The following NCKAP5 variants were observed in gnomAD, a reference collection of about 807,000 sequenced individuals.
NCKAP5 encodes nck-associated protein 5.
Under a neutral mutation model 167.0 loss-of-function variants are expected in NCKAP5, and 92 were observed. The observed-to-expected ratio is 0.55, with a 90% CI of 0.47 to 0.66. The LOEUF (loss-of-function observed/expected upper bound fraction) is 0.66. NCKAP5 is among the 30% of genes least tolerant of loss of function. The probability of loss-of-function intolerance (pLI) is 0.00; values close to 1 mark genes in which losing one functional copy is unlikely to be tolerated. For synonymous variants in NCKAP5, 891 were observed against 877.4 expected, an observed-to-expected ratio of 1.02 and a Z score of -0.27; for missense variants, 2,378 against 2,315.0, an observed-to-expected ratio of 1.03 and a Z score of -0.56.
rs1402218025 is a variant in NCKAP5, at chr2:133,418,162, T to A, written c.69+99296A>T. Among the ~76,000 whole-genome samples, 7 of 152,322 alleles carry A rather than the reference T, an allele frequency of 4.6e-5. No individual in the cohort carries two copies. In the East Asian group the frequency reaches 1.3e-3, roughly 29 times the overall value. On this transcript the variant is annotated intron_variant, in intron 3 of 19. Transcript: ENST00000409261. Reference sequence around the variant, plus strand: ...TTTCTCAGAGGCTAGCATCAGAAGCTGCTACACAGGACTTCTTTGACCTTG... The same window carrying A: ...TTTCTCAGAGGCTAGCATCAGAAGCAGCTACACAGGACTTCTTTGACCTTG...
At chr2:133,612,920 T>A in the NCKAP5 span, among the ~76,000 whole-genome samples, 1 of 152,150 alleles carries the variant, frequency 6.6e-6, no homozygotes, top group South Asian at 2.1e-4. Context: ...CATTGGTAAG[T>A]AGCAGGCATT....
intron 4 of NCKAP5, among the ~76,000 whole-genome samples, chr2:133,226,287 C>A (rs2086887570): frequency 6.6e-6 from 1 of 152,068 alleles, no homozygotes; most frequent in South Asian, 2.1e-4. Flanking sequence ...TCAATCTATT[C>A]CACAAATATT....
At chr2:132,930,867 G>T (rs911607640) in intron 8 of NCKAP5, 2 of 152,138 alleles carry the variant, frequency 1.3e-5, no homozygotes, top group Admixed American at 1.3e-4. Context: ...TAGGGTCCCA[G>T]TACTACAGAC....
intron 8 of NCKAP5, among the ~76,000 whole-genome samples, chr2:132,928,769 G>T (rs1350359592): frequency 6.6e-6 from 1 of 152,044 alleles, no homozygotes; most frequent in Admixed American, 6.6e-5. Flanking sequence ...GGAGCAGACA[G>T]AAGCAAACTA....
chr2:133,324,759 G>A (rs1443447171), intron 3 of NCKAP5, among the ~76,000 whole-genome samples: 7 of 151,548 alleles, frequency 4.6e-5, no homozygotes, highest in East Asian at 1.9e-4. Flanking sequence ...TGGCTCTGTC[G>A]CCCAGGCTGG....
At chr2:132,881,526 C>T (rs1386394125) in intron 8 of NCKAP5, among the ~76,000 whole-genome samples, 1 of 150,618 alleles carries the variant, frequency 6.6e-6, no homozygotes, top group Non-Finnish European at 1.5e-5. Context: ...CTTCTTTTCC[C>T]CCTTATTTCC....
intron 4 of NCKAP5, among the ~76,000 whole-genome samples, chr2:133,256,701 C>A (rs1037680265): frequency 6.6e-5 from 10 of 152,174 alleles, no homozygotes; most frequent in Non-Finnish European, 1.5e-4. Flanking sequence ...CATTGGTTGT[C>A]ACTCTACAAT....
At position 132,783,462 on chromosome 2, in the gene NCKAP5, T is replaced by G. The variant is rs1558767422; in HGVS notation, c.3349A>C (p.Ser1117Arg). 1 of 1,590,846 alleles carries G rather than the reference T, an allele frequency of 6.3e-7. No homozygotes were observed. The highest frequency in any genetic ancestry group is 8.6e-7 in the Non-Finnish European group (1 of 1,168,342). Residue 1117 changes from serine to arginine, a missense_variant, in exon 14 of 20, where the codon AGT becomes CGT. Physicochemically the swap from Ser to Arg is moderately radical, Grantham distance 110. Coordinates refer to ENST00000409261, the MANE Select transcript of NCKAP5 (RefSeq NM_207363.3). ...VNESPSSQVS[S>R]SSSSSSPAKS... ...GCGGGTGATGAGGATGATGAGGAAC[T>G]GCTGACCTGAGATGATGGTGACTCA...
At chr2:132,927,238 A>T (rs1695973927) in intron 8 of NCKAP5, among the ~76,000 whole-genome samples, 1 of 152,032 alleles carries the variant, frequency 6.6e-6, no homozygotes, top group African/African-American at 2.4e-5. Flanking sequence ...GTCTATTTTT[A>T]TAGAAGTGCC....
At chr2:132,912,367 T>C (rs953923541) in intron 8 of NCKAP5, among the ~76,000 whole-genome samples, 11 of 152,328 alleles carry the variant, frequency 7.2e-5, no homozygotes, top group East Asian at 3.9e-4. Context: ...AATAAAACTT[T>C]GGACAGTCAA....
At chr2:133,168,109 T>C (rs1404223347) in intron 5 of NCKAP5, among the ~76,000 whole-genome samples, 1 of 151,966 alleles carries the variant, frequency 6.6e-6, no homozygotes, top group East Asian at 1.9e-4. Context: ...GATTAGAAAA[T>C]GCAGGCCTGA....
chr2:133,036,880 T>A (rs534182724), intron 6 of NCKAP5, among the ~76,000 whole-genome samples: 40 of 152,154 alleles, frequency 2.6e-4, no homozygotes, highest in Middle Eastern at 3.4e-3. Flanking sequence ...AGTCAAATTA[T>A]CCTTGTTGGC....
intron 8 of NCKAP5, among the ~76,000 whole-genome samples, chr2:132,918,927 C>T (rs1410611050): frequency 6.6e-6 from 1 of 152,146 alleles, no homozygotes; most frequent in Non-Finnish European, 1.5e-5. Context: ...TTTCAAATAC[C>T]CAGTATCAAA....
intron 7 of NCKAP5, among the ~76,000 whole-genome samples, chr2:132,992,174 T>G (rs185513440): frequency 1.3e-3 from 204 of 152,330 alleles, no homozygotes; most frequent in Admixed American, 2.4e-3. Context: ...ATGACTGAAA[T>G]ATCCCTATCA....
At chr2:133,206,497 A>G (rs1296709227) in intron 5 of NCKAP5, among the ~76,000 whole-genome samples, 1 of 152,186 alleles carries the variant, frequency 6.6e-6, no homozygotes, top group Non-Finnish European at 1.5e-5. Context: ...GCCTGTCTTT[A>G]CTTTAATCTC....
chr2:132,782,665 T>G lies in NCKAP5; in HGVS notation c.4146A>C (p.Pro1382=). The stretch of plus-strand genomic sequence containing the variant: ...AGGCCTGCTGGTCTTCCTTTCCAGG[T>G]GGGATGAGGAGTCCCTCAGACTTTG... ...IPPKSEGLLI[P]PGKEDQQAFT... Residue 1382 remains proline, a synonymous_variant, in exon 14 of 20, where the codon CCA becomes CCC. Transcript: ENST00000409261. 6.2e-7 allele frequency: 1 copy of G among 1,612,408 alleles called. No homozygotes were observed. Among genetic ancestry groups the G allele is most frequent in the Non-Finnish European group, 8.5e-7 (1 of 1,179,222 alleles).
the NCKAP5 span, among the ~76,000 whole-genome samples, chr2:133,634,437 C>A: frequency 6.6e-6 from 1 of 152,188 alleles, no homozygotes; most frequent in Admixed American, 6.5e-5. Context: ...CAGAAACATA[C>A]TCTACGCTAA....
chr2:133,089,577 C>A (rs190432898), intron 6 of NCKAP5, among the ~76,000 whole-genome samples: 1 of 152,294 alleles, frequency 6.6e-6, no homozygotes, highest in African/African-American at 2.4e-5. Flanking sequence ...CTGAATAAAA[C>A]AAAGTACTCT....
At chr2:133,408,235 C>T (rs1368069813) in intron 3 of NCKAP5, among the ~76,000 whole-genome samples, 8 of 152,204 alleles carry the variant, frequency 5.3e-5, no homozygotes, top group Non-Finnish European at 1.2e-4. Flanking sequence ...TCTCCTCTGT[C>T]CTCAAGGCGT....
Sources: allele counts gnomAD v4.1 joint callset (sites outside exome capture counted in the v4.1 genomes callset), GRCh38; gene constraint gnomAD v4.1.1; transcripts MANE v1.5; gene names NCBI Gene and HGNC (gene_info 2026-07-23, HGNC 2026-07-21).